The following ENTREP2 variants were observed in gnomAD, a reference collection of about 807,000 sequenced individuals.
The protein encoded by ENTREP2 is protein ENTREP2.
chr15:29,395,923 G>C, the ENTREP2 span, among the ~76,000 whole-genome samples: 1 of 152,124 alleles, frequency 6.6e-6, no homozygotes, highest in African/African-American at 2.4e-5. Flanking sequence ...CTCTTCTGTG[G>C]AGAAAGGCCT....
At chr15:29,169,448 G>T in the ENTREP2 span, among the ~76,000 whole-genome samples, 4 of 152,008 alleles carry the variant, frequency 2.6e-5, no homozygotes. Flanking sequence ...ACTTGTGTTG[G>T]GATAATTGGC....
At chr15:29,119,807 G>T in the ENTREP2 span, among the ~76,000 whole-genome samples, 1 of 152,188 alleles carries the variant, frequency 6.6e-6, no homozygotes, top group Non-Finnish European at 1.5e-5. Flanking sequence ...TGGAGGGAAC[G>T]GGATTCCACT....
chr15:29,645,995 A>G, the ENTREP2 span, among the ~76,000 whole-genome samples: 2 of 152,186 alleles, frequency 1.3e-5, no homozygotes, highest in East Asian at 1.9e-4. Flanking sequence ...GGCAGGTCAC[A>G]CTGGAAGCAG....
the ENTREP2 span, chr15:29,269,098 C>T: frequency 1.9e-6 from 3 of 1,614,066 alleles, no homozygotes; most frequent in Admixed American, 5.0e-5. Flanking sequence ...CCCTAAGCGC[C>T]GCAGAAAGTC....
chr15:29,451,475 C>T, the ENTREP2 span, among the ~76,000 whole-genome samples: 247 of 152,202 alleles, frequency 1.6e-3, no homozygotes, highest in African/African-American at 5.7e-3. Context: ...GAGCTCATGT[C>T]GGGGGCGCGA....
chr15:29,576,314 C>T, the ENTREP2 span, among the ~76,000 whole-genome samples: 1 of 152,152 alleles, frequency 6.6e-6, no homozygotes, highest in South Asian at 2.1e-4. Flanking sequence ...AAGCTCATAT[C>T]ATAATCAAAA....
chr15:29,391,438 A>C, the ENTREP2 span, among the ~76,000 whole-genome samples: 1 of 152,104 alleles, frequency 6.6e-6, no homozygotes, highest in Non-Finnish European at 1.5e-5. Context: ...GCAGAAGCAA[A>C]ACTATAAATT....
chr15:29,390,179 C>A, the ENTREP2 span, among the ~76,000 whole-genome samples: 4 of 152,178 alleles, frequency 2.6e-5, no homozygotes, highest in African/African-American at 9.7e-5. Context: ...ACTGTTTTTG[C>A]TCAATTCCAG....
At chr15:29,551,380 T>A in the ENTREP2 span, among the ~76,000 whole-genome samples, 1 of 152,108 alleles carries the variant, frequency 6.6e-6, no homozygotes. Flanking sequence ...TCGGTGAGAT[T>A]TGGGCACTGA....
chr15:29,328,941 T>TG, the ENTREP2 span, among the ~76,000 whole-genome samples: 1 of 152,232 alleles, frequency 6.6e-6, no homozygotes, highest in African/African-American at 2.4e-5. Flanking sequence ...CTAATACCCC[T>TG]GTAGGTGCCT....
the ENTREP2 span, among the ~76,000 whole-genome samples, chr15:29,243,403 G>A: frequency 6.6e-6 from 1 of 152,130 alleles, no homozygotes; most frequent in Admixed American, 6.5e-5. Flanking sequence ...TCTGAGCGAT[G>A]ATTAGGTTAA....
chr15:29,392,828 G>GC, the ENTREP2 span, among the ~76,000 whole-genome samples: 1 of 152,264 alleles, frequency 6.6e-6, no homozygotes, highest in Admixed American at 6.5e-5. Context: ...AAATGTCTTA[G>GC]TTTTTCTTCC....
chr15:29,525,948 G>A, the ENTREP2 span, among the ~76,000 whole-genome samples: 4 of 152,112 alleles, frequency 2.6e-5, no homozygotes, highest in Admixed American at 6.5e-5. Flanking sequence ...TAGTAACTAC[G>A]AAAGTAATTT....
chr15:29,155,465 TC>T, the ENTREP2 span, among the ~76,000 whole-genome samples: 2 of 152,086 alleles, frequency 1.3e-5, no homozygotes, highest in Non-Finnish European at 2.9e-5. Context: ...GCAGTTCTTT[TC>T]CCAGACTCAG....
At chr15:29,651,596 C>T in the ENTREP2 span, among the ~76,000 whole-genome samples, 1 of 152,228 alleles carries the variant, frequency 6.6e-6, no homozygotes, top group Non-Finnish European at 1.5e-5. Flanking sequence ...CCCCCATCTC[C>T]ACAGGCTCAG....
the ENTREP2 span, among the ~76,000 whole-genome samples, chr15:29,475,944 T>C: frequency 6.6e-6 from 1 of 152,342 alleles, no homozygotes; most frequent in South Asian, 2.1e-4. Context: ...TAGTAAGATC[T>C]GCTCATGAGA....
At chr15:29,133,545 C>A in the ENTREP2 span, among the ~76,000 whole-genome samples, 1 of 152,204 alleles carries the variant, frequency 6.6e-6, no homozygotes, top group Admixed American at 6.5e-5. Context: ...GCCAAGGCCA[C>A]CAGCAGCCCC....
chr15:29,132,918 T>C, the ENTREP2 span, among the ~76,000 whole-genome samples: 2 of 151,984 alleles, frequency 1.3e-5, no homozygotes, highest in Non-Finnish European at 2.9e-5. Context: ...AGAGCCGGAA[T>C]TGTGATGGCA....
the ENTREP2 span, among the ~76,000 whole-genome samples, chr15:29,317,646 T>C: frequency 5.3e-5 from 8 of 152,136 alleles, no homozygotes; most frequent in East Asian, 1.9e-4. Context: ...TTCAATATAA[T>C]ATCACTCCAA....
Sources: gnomAD v4.1 joint callset for allele counts (sites outside exome capture counted in the v4.1 genomes callset) on GRCh38, gnomAD v4.1.1 for gene constraint, MANE v1.5 for transcripts, NCBI Gene and HGNC (gene_info 2026-07-23, HGNC 2026-07-21) for gene names.